SRPK2: variants seen among roughly 807,000 people sequenced by gnomAD.
The protein encoded by SRPK2 is SFRS protein kinase 2.
A neutral mutation model predicts 90.8 loss-of-function variants in SRPK2; 21 were observed. The ratio of observed to expected loss-of-function variants is 0.23; its 90% CI spans 0.16 to 0.33. SRPK2 has a LOEUF of 0.33. Among genes scored for constraint, SRPK2 ranks in the 10% least tolerant of loss-of-function variants. SRPK2 has a pLI of 1.00. For synonymous variants in SRPK2, 288 were observed against 311.1 expected, an observed-to-expected ratio of 0.93 and a Z score of 0.78; for missense variants, 620 against 869.0, an observed-to-expected ratio of 0.71 and a Z score of 3.60.
In SRPK2 at chr7:105,168,556, G is replaced by GT. The variant is rs1286035049; in HGVS notation, c.339-462dup. 2.3e-4 allele frequency among the ~76,000 whole-genome samples: 35 copies of GT among 152,110 alleles called. 1 individual carries two copies. The highest frequency in any genetic ancestry group is 2.0e-3 in the Admixed American group (30 of 15,282). On this transcript the variant is annotated intron_variant, in intron 4 of 15. Transcript: ENST00000393651. ...CCTTTAAAATAGTACTTTTCAAATG[G>GT]TGGGGCCACATTAAATAGTAGTATG...
intron 2 of SRPK2, among the ~76,000 whole-genome samples, chr7:105,372,932 T>C (rs140878292): frequency 2.2e-4 from 34 of 152,054 alleles, no homozygotes; most frequent in African/African-American, 8.0e-4. Context: ...CTACTAAAAA[T>C]ACAAAAATTA....
intron 2 of SRPK2, among the ~76,000 whole-genome samples, chr7:105,254,491 C>T (rs1802946492): frequency 6.6e-6 from 1 of 152,128 alleles, no homozygotes; most frequent in Non-Finnish European, 1.5e-5. Context: ...TACATCCATC[C>T]ATATCATGAA....
At chr7:105,124,500 G>C (rs1800849681) in intron 15 of SRPK2, among the ~76,000 whole-genome samples, 1 of 151,960 alleles carries the variant, frequency 6.6e-6, no homozygotes, top group Non-Finnish European at 1.5e-5. Flanking sequence ...AATTAGCCGG[G>C]CGTGGTGGCA....
intron 3 of SRPK2, among the ~76,000 whole-genome samples, chr7:105,170,913 A>AAGAAAG (rs1790913969): frequency 8.0e-6 from 1 of 124,772 alleles, no homozygotes; most frequent in African/African-American, 3.2e-5. Context: ...GAAAGAAAGA[A>AAGAAAG]AGGAGAAAGA....
chr7:105,310,808 C>T (rs1345168463), intron 2 of SRPK2, among the ~76,000 whole-genome samples: 1 of 152,072 alleles, frequency 6.6e-6, no homozygotes, highest in African/African-American at 2.4e-5. Flanking sequence ...TCCTTTGATC[C>T]TAGTTTTTGG....
At chr7:105,334,172 A>G (rs1160600231) in intron 2 of SRPK2, among the ~76,000 whole-genome samples, 2 of 151,868 alleles carry the variant, frequency 1.3e-5, no homozygotes, top group African/African-American at 4.8e-5. Context: ...ACCTCCATCT[A>G]CTGGGTTCAA....
chr7:105,129,253 T>C (rs925429841), intron 13 of SRPK2, among the ~76,000 whole-genome samples: 3 of 152,172 alleles, frequency 2.0e-5, no homozygotes, highest in African/African-American at 7.2e-5. Flanking sequence ...TCTTTTTTTT[T>C]AAAGGAACAA....
At chr7:105,134,151 C>CATT (rs1802442992) in intron 11 of SRPK2, among the ~76,000 whole-genome samples, 1 of 152,138 alleles carries the variant, frequency 6.6e-6, no homozygotes, top group Non-Finnish European at 1.5e-5. Context: ...CAATGTAGAA[C>CATT]ATTAAACACT....
At chr7:105,258,417 CAAAAAAAAAA>C (rs33941320) in intron 2 of SRPK2, among the ~76,000 whole-genome samples, 2 of 121,614 alleles carry the variant, frequency 1.6e-5, no homozygotes, top group Admixed American at 1.8e-4. Context: ...AACTCGGTCT[CAAAAAAAAAA>C]AAAAAAAAGA....
intron 2 of SRPK2, among the ~76,000 whole-genome samples, chr7:105,324,415 CA>C (rs1813330898): frequency 6.6e-6 from 1 of 152,004 alleles, no homozygotes; most frequent in Admixed American, 6.6e-5. Flanking sequence ...CTCTGCCTCC[CA>C]AGTTCAAACA....
intron 2 of SRPK2, among the ~76,000 whole-genome samples, chr7:105,370,441 A>G (rs1470396189): frequency 2.6e-5 from 4 of 152,132 alleles, no homozygotes; most frequent in Non-Finnish European, 5.9e-5. Flanking sequence ...AATGCATTCA[A>G]TCATGTCATC....
chr7:105,159,448 C>CAAAAAAAAAAAAAAAAAAAAAAAAAAA lies in SRPK2; in HGVS notation c.621+1058_621+1059insTTTTTTTTTTTTTTTTTTTTTTTTTTT, dbSNP rs765544583. 2.4e-4 allele frequency among the ~76,000 whole-genome samples: 8 copies of CAAAAAAAAAAAAAAAAAAAAAAAAAAA among 33,140 alleles called. 1 individual carries two copies. Among genetic ancestry groups the CAAAAAAAAAAAAAAAAAAAAAAAAAAA allele is most frequent in the Admixed American group, 9.0e-4 (2 of 2,230 alleles). 21.7% of individuals were successfully genotyped at this position (33,140 alleles called of 152,430 possible). A position where few individuals can be genotyped will look rare whatever the true frequency, so the allele number is the denominator to read the frequency against. ...GGGTGACAGAGCGAGACTCCGTCTC[C>CAAAAAAAAAAAAAAAAAAAAAAAAAAA]AAAAAAAAAAAAAAAAAAAAAAAAA... On this transcript the variant is annotated intron_variant, in intron 7 of 15. Coordinates refer to ENST00000393651, the MANE Select transcript of SRPK2 (RefSeq NM_182692.3).
At chr7:105,150,684 A>G (rs956181501) in intron 7 of SRPK2, among the ~76,000 whole-genome samples, 1 of 152,202 alleles carries the variant, frequency 6.6e-6, no homozygotes, top group African/African-American at 2.4e-5. Flanking sequence ...TGCAAACTGA[A>G]TAATATGTGG....
In SRPK2 at chr7:105,159,448, CAAAAAA is replaced by C. The variant is rs765544583; in HGVS notation, c.621+1053_621+1058del. On this transcript the variant is annotated intron_variant, in intron 7 of 15. Transcript: ENST00000393651. The stretch of plus-strand genomic sequence containing the variant: ...GGGTGACAGAGCGAGACTCCGTCTC[CAAAAAA>C]AAAAAAAAAAAAAAAAAAACCGTAC... 9.8e-3 allele frequency among the ~76,000 whole-genome samples: 326 copies of C among 33,148 alleles called. 11 individuals are homozygous for C. The East Asian group carries it at 0.12, about 13-fold the overall frequency. The allele number at this position is 33,148 out of a possible 152,430, so 21.7% of individuals were successfully genotyped here. A position where few individuals can be genotyped will look rare whatever the true frequency, so the allele number is the denominator to read the frequency against.
rs190402736 is a variant in SRPK2, at chr7:105,226,259, A to T, written c.72-22474T>A. ...TATATTTTGCTTGATTTTTTTTTTTAAAAAACGCACTATATATGTGCTCAA... is the reference window on the plus strand; with the variant it reads ...TATATTTTGCTTGATTTTTTTTTTTTAAAAACGCACTATATATGTGCTCAA... On this transcript the variant is annotated intron_variant, in intron 2 of 15. Transcript: ENST00000393651. Among the ~76,000 whole-genome samples the T allele has an allele frequency of 3.6e-3, 544 of 150,874 alleles. 12 individuals carry two copies. In the East Asian group the frequency reaches 0.054, roughly 15 times the overall value.
chr7:105,148,973 G>A (rs1805090775), intron 7 of SRPK2, among the ~76,000 whole-genome samples: 1 of 152,134 alleles, frequency 6.6e-6, no homozygotes, highest in Non-Finnish European at 1.5e-5. Flanking sequence ...AAAGCTGCAG[G>A]GACCTCTGCC....
At chr7:105,350,034 G>A (rs1400719564) in intron 2 of SRPK2, among the ~76,000 whole-genome samples, 1 of 150,930 alleles carries the variant, frequency 6.6e-6, no homozygotes, top group African/African-American at 2.4e-5. Context: ...ACTGTGCCTG[G>A]CCAAACAGTG....
At chr7:105,255,262 C>T (rs1803103229) in intron 2 of SRPK2, among the ~76,000 whole-genome samples, 1 of 151,554 alleles carries the variant, frequency 6.6e-6, no homozygotes, top group Non-Finnish European at 1.5e-5. Flanking sequence ...GTATGGCTGT[C>T]AAGAAGCTTA....
chr7:105,387,861 T>G (rs1303153865), intron 2 of SRPK2, among the ~76,000 whole-genome samples: 1 of 152,322 alleles, frequency 6.6e-6, no homozygotes, highest in African/African-American at 2.4e-5. Flanking sequence ...GAAAGGGTTC[T>G]TGGGCAGCGG....
Sources: gnomAD v4.1 joint callset for allele counts (sites outside exome capture counted in the v4.1 genomes callset) on GRCh38, gnomAD v4.1.1 for gene constraint, MANE v1.5 for transcripts, NCBI Gene and HGNC (gene_info 2026-07-23, HGNC 2026-07-21) for gene names.